Variants in SCRG1 observed in about 807,000 individuals in gnomAD.
SCRG1 encodes scrapie-responsive protein 1.
A neutral mutation model predicts 7.7 loss-of-function variants in SCRG1; 3 were observed. The observed-to-expected ratio is 0.39, with a 90% confidence interval of 0.18 to 1.01. The LOEUF (loss-of-function observed/expected upper bound fraction) is 1.01. SCRG1 is among the 50% of genes least tolerant of loss of function. The pLI is 0.36. For missense variants in SCRG1, 110 were observed against 117.2 expected (o/e 0.94, Z 0.28); for synonymous variants, 46 against 41.2 (o/e 1.12, Z -0.44).
At chr4:173,419,050 C>A in the SCRG1 span, among the ~76,000 whole-genome samples, 2 of 152,160 alleles carry the variant, frequency 1.3e-5, no homozygotes, top group Admixed American at 1.3e-4. Flanking sequence ...ATTTGAGAAC[C>A]TACTAGTGTT....
At chr4:173,452,300 A>G in the SCRG1 span, among the ~76,000 whole-genome samples, 1 of 152,130 alleles carries the variant, frequency 6.6e-6, no homozygotes, top group Non-Finnish European at 1.5e-5. Flanking sequence ...ATGGAGGTGG[A>G]TCATCAGAGA....
chr4:173,397,814 CT>C (rs1739647966), intron 1 of SCRG1, among the ~76,000 whole-genome samples: 1 of 152,160 alleles, frequency 6.6e-6, no homozygotes, highest in South Asian at 2.1e-4. Flanking sequence ...GTTCTGGGAA[CT>C]GGTATTAAGA....
the SCRG1 span, among the ~76,000 whole-genome samples, chr4:173,458,679 G>A: frequency 1.3e-5 from 2 of 152,154 alleles, no homozygotes; most frequent in East Asian, 1.9e-4. Context: ...AATAGTAAGA[G>A]AGGAAGAAAG....
chr4:173,419,449 G>A, the SCRG1 span: 79 of 985,336 alleles, frequency 8.0e-5, no homozygotes, highest in East Asian at 2.7e-4. Flanking sequence ...CTGGAGTTAC[G>A]CTGTTCTTTG....
the SCRG1 span, among the ~76,000 whole-genome samples, chr4:173,504,299 C>T: frequency 2.6e-5 from 4 of 152,218 alleles, no homozygotes; most frequent in Non-Finnish European, 5.9e-5. This position sits in a 1 kb window ranked among gnomAD's most constrained non-coding sequence, Gnocchi z 4.7. Flanking sequence ...CTGCATGCAG[C>T]GCAAACGGCG....
chr4:173,445,906 C>T, the SCRG1 span, among the ~76,000 whole-genome samples: 741 of 152,062 alleles, frequency 4.9e-3, 5 homozygotes, highest in South Asian at 0.013. Flanking sequence ...CCTTGTGATC[C>T]ACCCACTTCG....
chr4:173,414,919 C>T, the SCRG1 span, among the ~76,000 whole-genome samples: 15 of 152,310 alleles, frequency 9.8e-5, no homozygotes, highest in Admixed American at 6.5e-4. Context: ...GACACTTGTT[C>T]ACTGGTATTT....
At chr4:173,451,732 G>A in the SCRG1 span, among the ~76,000 whole-genome samples, 4 of 151,382 alleles carry the variant, frequency 2.6e-5, no homozygotes, top group Admixed American at 2.0e-4. Flanking sequence ...GCAGTGGCAC[G>A]ATCTCAGCTC....
At chr4:173,420,675 CAT>C in the SCRG1 span, among the ~76,000 whole-genome samples, 1 of 149,838 alleles carries the variant, frequency 6.7e-6, no homozygotes, top group Non-Finnish European at 1.5e-5. Flanking sequence ...GCTTCCCCTT[CAT>C]ATATGACCTA....
At chr4:173,477,553 G>A in the SCRG1 span, among the ~76,000 whole-genome samples, 912 of 152,208 alleles carry the variant, frequency 6.0e-3, 11 homozygotes, top group African/African-American at 0.02. Flanking sequence ...AATTGTAGGT[G>A]ACTATTTTCT....
At chr4:173,507,960 CGGA>C in the SCRG1 span, among the ~76,000 whole-genome samples, 1 of 152,194 alleles carries the variant, frequency 6.6e-6, no homozygotes, top group Non-Finnish European at 1.5e-5. This position sits in a 1 kb window ranked among gnomAD's most constrained non-coding sequence, Gnocchi z 4.4. Context: ...GTGCGGCTCC[CGGA>C]GGCGCTGCTA....
At chr4:173,502,838 G>A in the SCRG1 span, among the ~76,000 whole-genome samples, 2 of 152,164 alleles carry the variant, frequency 1.3e-5, no homozygotes, top group African/African-American at 4.8e-5. This position sits in a 1 kb window ranked among gnomAD's most constrained non-coding sequence, Gnocchi z 4.6. Flanking sequence ...GTCTTCCACA[G>A]CCCAGGTGCA....
At chr4:173,500,686 T>C in the SCRG1 span, among the ~76,000 whole-genome samples, 1 of 152,308 alleles carries the variant, frequency 6.6e-6, no homozygotes, top group South Asian at 2.1e-4. Flanking sequence ...GGTTTCCCCA[T>C]GTTGCCCCAG....
chr4:173,418,488 A>C, the SCRG1 span, among the ~76,000 whole-genome samples: 1 of 152,262 alleles, frequency 6.6e-6, no homozygotes, highest in African/African-American at 2.4e-5. Flanking sequence ...AACATAAGCA[A>C]GAAATAAATA....
the SCRG1 span, among the ~76,000 whole-genome samples, chr4:173,462,907 A>G: frequency 1.2e-4 from 18 of 152,202 alleles, no homozygotes; most frequent in Admixed American, 4.6e-4. Flanking sequence ...GTTATAATAT[A>G]GTATTTTCAG....
chr4:173,446,124 A>C, the SCRG1 span, among the ~76,000 whole-genome samples: 4 of 152,190 alleles, frequency 2.6e-5, no homozygotes, highest in Non-Finnish European at 5.9e-5. Context: ...ACAGAATTAT[A>C]AGATAATGGT....
the SCRG1 span, among the ~76,000 whole-genome samples, chr4:173,484,456 TTATATACATATAATATATAA>T: frequency 4.3e-3 from 196 of 46,106 alleles, 9 homozygotes; most frequent in African/African-American, 0.013. Flanking sequence ...ATAATATATA[TTATATACATATAATATATAA>T]TATATATTAT....
the SCRG1 span, among the ~76,000 whole-genome samples, chr4:173,428,373 T>C: frequency 6.6e-6 from 1 of 152,182 alleles, no homozygotes; most frequent in Non-Finnish European, 1.5e-5. Context: ...CTCTGTGGGG[T>C]TTAAAATGGT....
chr4:173,494,481 G>C, the SCRG1 span, among the ~76,000 whole-genome samples: 1 of 152,214 alleles, frequency 6.6e-6, no homozygotes, highest in African/African-American at 2.4e-5. Context: ...GTGCCAACAC[G>C]GGGTGCGCTC....
Sources: allele counts gnomAD v4.1 joint callset (sites outside exome capture counted in the v4.1 genomes callset), GRCh38; gene constraint gnomAD v4.1.1; non-coding constraint Gnocchi (gnomAD v3.1); transcripts MANE v1.5; gene names NCBI Gene and HGNC (gene_info 2026-07-23, HGNC 2026-07-21).